The following UXS1 variants were observed in gnomAD, a reference collection of about 807,000 sequenced individuals.
UXS1 encodes UDP-glucuronic acid decarboxylase 1.
Under a neutral mutation model 62.6 loss-of-function variants are expected in UXS1, and 33 were observed. The ratio of observed to expected loss-of-function variants is 0.53; its 90% confidence interval spans 0.40 to 0.70. UXS1 has a LOEUF of 0.70. Among genes scored for constraint, UXS1 ranks in the 30% least tolerant of loss-of-function variants. UXS1 has a pLI of 0.00. For synonymous variants in UXS1, 213 were observed against 206.8 expected (o/e 1.03, Z -0.26); for missense variants, 434 against 556.3 (o/e 0.78, Z 2.21).
chr2:106,152,441 G>GGAAAGAAAA (rs1203328687), intron 5 of UXS1, among the ~76,000 whole-genome samples: 12 of 133,740 alleles, frequency 9.0e-5, no homozygotes, highest in Admixed American at 2.4e-4. Context: ...GACAAAGTGA[G>GGAAAGAAAA]GAAAGAAAAG....
At chr2:106,173,311 C>T (rs1464947205) in intron 1 of UXS1, among the ~76,000 whole-genome samples, 1 of 152,144 alleles carries the variant, frequency 6.6e-6, no homozygotes, top group Non-Finnish European at 1.5e-5. Flanking sequence ...CCTGTAATCC[C>T]AGCACTTTGG....
chr2:106,097,059 C>T (rs939718314), intron 13 of UXS1: 5 of 638,634 alleles, frequency 7.8e-6, no homozygotes, highest in African/African-American at 1.8e-5. Context: ...AGCAAGAGCT[C>T]GGTGGGGGGC....
At position 106,094,008 on chromosome 2, in the gene UXS1, G is replaced by A; in HGVS notation, c.*18C>T. On this transcript the variant is annotated 3_prime_UTR_variant, in exon 15 of 15. Coordinates refer to ENST00000283148, the MANE Select transcript of UXS1 (RefSeq NM_001253875.2). ...ATCAAGTGTACAATGGTAGTCTTGT[G>A]TCCTAAAAGTGAGGAGTTCAGCTGT... 1 of 1,601,610 alleles carries A rather than the reference G, an allele frequency of 6.2e-7. No individual in the cohort carries two copies. Among genetic ancestry groups the A allele is most frequent in the Non-Finnish European group, 8.5e-7 (1 of 1,176,710 alleles).
At chr2:106,128,822 T>C (rs574677944) in intron 7 of UXS1, among the ~76,000 whole-genome samples, 1 of 152,346 alleles carries the variant, frequency 6.6e-6, no homozygotes, top group African/African-American at 2.4e-5. Context: ...TCTCTGGCTG[T>C]CCTTTCATTC....
chr2:106,114,805 T>G (rs1480557594), intron 9 of UXS1, among the ~76,000 whole-genome samples: 2 of 152,116 alleles, frequency 1.3e-5, no homozygotes, highest in African/African-American at 4.8e-5. Flanking sequence ...GCAACAACAC[T>G]TCCAAGAACA....
intron 1 of UXS1, among the ~76,000 whole-genome samples, chr2:106,177,728 G>A (rs1683983737): frequency 6.6e-6 from 1 of 152,146 alleles, no homozygotes; most frequent in Admixed American, 6.5e-5. Context: ...GAATCTGCTG[G>A]GGCCTTCATC....
chr2:106,170,730 C>A (rs1371682315), intron 1 of UXS1, among the ~76,000 whole-genome samples: 1 of 152,232 alleles, frequency 6.6e-6, no homozygotes, highest in Non-Finnish European at 1.5e-5. Context: ...AAGGGAAAGA[C>A]ACAAGCAATT....
intron 1 of UXS1, among the ~76,000 whole-genome samples, chr2:106,171,907 C>T (rs563226202): frequency 2.6e-5 from 4 of 152,234 alleles, no homozygotes; most frequent in African/African-American, 4.8e-5. Context: ...ATGTAAGGCA[C>T]GCCCTTCTTT....
intron 1 of UXS1, among the ~76,000 whole-genome samples, chr2:106,188,067 G>A (rs1684685126): frequency 6.6e-6 from 1 of 152,208 alleles, no homozygotes; most frequent in African/African-American, 2.4e-5. Context: ...AAAGGCTAAA[G>A]GTGAAAAGAT....
chr2:106,186,021 T>C (rs1684525942), intron 1 of UXS1, among the ~76,000 whole-genome samples: 1 of 152,046 alleles, frequency 6.6e-6, no homozygotes, highest in South Asian at 2.1e-4. Flanking sequence ...ACTAATACAG[T>C]GAGAGAAGAA....
chr2:106,185,941 T>G (rs917387650), intron 1 of UXS1, among the ~76,000 whole-genome samples: 1 of 50,254 alleles, frequency 2.0e-5, no homozygotes, highest in African/African-American at 7.0e-5. Context: ...CCACCAGATT[T>G]AGAAATAATA....
intron 9 of UXS1, among the ~76,000 whole-genome samples, chr2:106,115,090 G>A (rs1446798788): frequency 4.6e-5 from 7 of 152,254 alleles, no homozygotes; most frequent in Admixed American, 4.6e-4. Context: ...GGACCATGTG[G>A]GCAGGCAGGG....
At chr2:106,099,904 A>G (rs1399085648) in intron 12 of UXS1, among the ~76,000 whole-genome samples, 3 of 152,230 alleles carry the variant, frequency 2.0e-5, no homozygotes, top group East Asian at 1.9e-4. Flanking sequence ...CTCCAGGGCA[A>G]TTCTTTCCTA....
At position 106,181,658 on chromosome 2, in the gene UXS1, G is replaced by A. The variant is rs184591752; in HGVS notation, c.94+12490C>T. On this transcript the variant is annotated intron_variant, in intron 1 of 14. Transcript: ENST00000283148. ...CTTGAGCTTAGGAGGGCAGGTTGCA[G>A]TGAGCCAATCTGGCGCCACTGCACT... Among the ~76,000 whole-genome samples the A allele has an allele frequency of 2.6e-4, 39 of 152,300 alleles. No individual in the cohort carries two copies. The East Asian group carries it at 6.6e-3, about 26-fold the overall frequency.
rs1677160505 is a variant in UXS1 at position 106,096,915 on chromosome 2, G to T, written c.1043-94C>A. 4.2e-6 allele frequency: 5 copies of T among 1,193,844 alleles called. No individual in the cohort carries two copies. In the South Asian group the frequency reaches 5.2e-5, roughly 12 times the overall value. 74.0% of individuals were successfully genotyped at this position (1,193,844 alleles called of 1,614,324 possible). A position where few individuals can be genotyped will look rare whatever the true frequency, so the allele number is the denominator to read the frequency against. On this transcript the variant is annotated intron_variant, in intron 13 of 14. Coordinates refer to ENST00000283148, the MANE Select transcript of UXS1 (RefSeq NM_001253875.2). Reference sequence around the variant, plus strand: ...CACATCAAAGGCAAACCCCATATGTGGTGTGAATAGGGTGCAGGCGGTGGA... The same window carrying T: ...CACATCAAAGGCAAACCCCATATGTTGTGTGAATAGGGTGCAGGCGGTGGA...
intron 5 of UXS1, among the ~76,000 whole-genome samples, chr2:106,149,222 T>C (rs1681822326): frequency 6.6e-6 from 1 of 152,148 alleles, no homozygotes; most frequent in Admixed American, 6.5e-5. Context: ...GCTGTGGTGA[T>C]GTGTAAAGCA....
intron 7 of UXS1, among the ~76,000 whole-genome samples, chr2:106,128,475 G>GA (rs1680155186): frequency 6.6e-6 from 1 of 152,160 alleles, no homozygotes; most frequent in African/African-American, 2.4e-5. Context: ...AGACTGCGTA[G>GA]AACACATGGC....
rs181513130 is a variant in UXS1, at chr2:106,171,769, T to C, written c.95-5686A>G. 2.6e-4 allele frequency among the ~76,000 whole-genome samples: 39 copies of C among 152,398 alleles called. 2 individuals carry two copies. The East Asian group carries it at 6.6e-3, about 26-fold the overall frequency. ...TAAATGGCTACAGTATGCTTTAGCATGTTTTTCTCAGTCATTCCGATCACT... is the reference window on the plus strand; with the variant it reads ...TAAATGGCTACAGTATGCTTTAGCACGTTTTTCTCAGTCATTCCGATCACT... On this transcript the variant is annotated intron_variant, in intron 1 of 14. Transcript: ENST00000283148.
chr2:106,187,007 G>A (rs1336302302), intron 1 of UXS1, among the ~76,000 whole-genome samples: 4 of 152,000 alleles, frequency 2.6e-5, no homozygotes, highest in East Asian at 3.9e-4. Context: ...ACTTGAAGGT[G>A]AAGTACTGTT....
Sources: allele counts gnomAD v4.1 joint callset (sites outside exome capture counted in the v4.1 genomes callset), GRCh38; gene constraint gnomAD v4.1.1; transcripts MANE v1.5; gene names NCBI Gene and HGNC (gene_info 2026-07-23, HGNC 2026-07-21).